Variants in TINAGL1 observed in about 807,000 individuals in gnomAD.
TINAGL1 encodes the protein tubulointerstitial nephritis antigen-like.
A neutral mutation model predicts 62.0 loss-of-function variants in TINAGL1; 34 were observed. That is an observed-to-expected ratio of 0.55 (90% CI 0.42 to 0.73). The LOEUF (loss-of-function observed/expected upper bound fraction) is 0.73, where lower values mean the gene tolerates loss of function less well. Ranked by LOEUF, TINAGL1 falls within the 30% of genes least tolerant of loss-of-function variation. The pLI, the probability that TINAGL1 is intolerant of heterozygous loss-of-function variation, is 0.00. For missense variants in TINAGL1, 516 were observed against 653.2 expected (o/e 0.79, Z 2.29); for synonymous variants, 221 against 249.7 (o/e 0.88, Z 1.08).
At position 31,580,193 on chromosome 1, in the gene TINAGL1, C is replaced by CTG. The variant is rs1557557791; in HGVS notation, c.374+927_374+928insGT. The CTG allele has an allele frequency of 6.0e-4, 254 of 423,268 alleles. 1 individual carries two copies. Among genetic ancestry groups the CTG allele is most frequent in the East Asian group, 2.2e-3 (11 of 5,098 alleles). 26.2% of individuals were successfully genotyped at this position (423,268 alleles called of 1,614,324 possible). On this transcript the variant is annotated intron_variant, in intron 3 of 11. Transcript: ENST00000271064. ...TCTCTCTCTCTCTCTCTCTCTCTCTCTCTCTCTCTCTCTCTCTCTGTCTCT... is the reference window on the plus strand; with the variant it reads ...TCTCTCTCTCTCTCTCTCTCTCTCTCTGTCTCTCTCTCTCTCTCTCTGTCTCT...
In TINAGL1 at chr1:31,577,084, A is replaced by G. The variant is rs937693420; in HGVS notation, c.-15-50A>G. ...ACAGCTCCAGGAAACTGGGAGACTC[A>G]TCCCTGGTGTTCCAGGGAGTCTCTG... On this transcript the variant is annotated intron_variant, in intron 1 of 11. Transcript: ENST00000271064. The surrounding 1 kb of genome is among the most constrained non-coding windows in gnomAD (Gnocchi z 5.4). 225 of 1,379,166 alleles carry G rather than the reference A, an allele frequency of 1.6e-4. No homozygotes were observed. Among genetic ancestry groups the G allele is most frequent in the Non-Finnish European group, 2.1e-4 (216 of 1,048,962 alleles). The allele number at this position is 1,379,166 out of a possible 1,614,324, so 85.4% of individuals were successfully genotyped here. A position where few individuals can be genotyped will look rare whatever the true frequency, so the allele number is the denominator to read the frequency against.
rs148120255 is a variant in TINAGL1, at chr1:31,577,426, T to A, written c.278T>A (p.Leu93His). The change falls in exon 2 of 12, where the codon CTC becomes CAC. Residue 93 changes from leucine (L) to histidine (H), a missense_variant. Leu to His is a moderately conservative substitution (Grantham distance 99). Coordinates refer to ENST00000271064, the MANE Select transcript of TINAGL1 (RefSeq NM_022164.3). The surrounding 1 kb of genome is among the most constrained non-coding windows in gnomAD (Gnocchi z 5.4). ...DCCPDFWDFC[L>H]GVPPPFPPIQ... ...TGCCCTGACTTCTGGGACTTCTGCC[T>A]CGGCGTGCCACCCCCTTTTCCCCCG... is the stretch of plus-strand genomic sequence containing the variant. The A allele has an allele frequency of 1.2e-6, 2 of 1,613,130 alleles. No homozygotes were observed. Among genetic ancestry groups the A allele is most frequent in the African/African-American group, 2.7e-5 (2 of 74,918 alleles).
At chr1:31,578,849 C>T (rs1639103182) in intron 2 of TINAGL1, among the ~76,000 whole-genome samples, 1 of 113,192 alleles carries the variant, frequency 8.8e-6, no homozygotes, top group Admixed American at 1.0e-4. Flanking sequence ...GTGATGTCTT[C>T]AGTTATAGCT....
At chr1:31,586,020 G>A (rs1639382347) in intron 10 of TINAGL1, 144 bp downstream of exon 10, 1 of 1,194,316 alleles carries the variant, frequency 8.4e-7, no homozygotes, top group Non-Finnish European at 1.1e-6. Context: ...GACTCAGAAA[G>A]AGAAAGGACT....
chr1:31,586,867 G>A lies in TINAGL1; in HGVS notation c.1292G>A (p.Trp431Ter). ...GCGGCCAACTCCTGGGGCCCAGCCT[G>A]GGGCGAGAGGGGCCACTTCCGCATC... ...WTAANSWGPA[W>*]GERGHFRIVR... is the part of the protein sequence containing the mutation. The change falls in exon 12 of 12, where the codon TGG becomes TAG. Residue 431 changes from tryptophan (W) to a stop codon, truncating the protein, a stop_gained. Coordinates refer to ENST00000271064, the MANE Select transcript of TINAGL1 (RefSeq NM_022164.3). LOFTEE classifies it high-confidence loss of function. 1 of 1,550,106 alleles carries A rather than the reference G, an allele frequency of 6.5e-7. No homozygotes were observed. Among genetic ancestry groups the A allele is most frequent in the Non-Finnish European group, 8.7e-7 (1 of 1,146,750 alleles).
At position 31,584,440 on chromosome 1, in the gene TINAGL1, G is replaced by A; in HGVS notation, c.583-238G>A. ...CTCAGCTGCCTCATCTGGGAAGCAG[G>A]ACTAGTCACCACCGCCACCCCGCCC... On this transcript the variant is annotated intron_variant, in intron 5 of 11. Coordinates refer to ENST00000271064, the MANE Select transcript of TINAGL1 (RefSeq NM_022164.3). The surrounding 1 kb of genome is among the most constrained non-coding windows in gnomAD (Gnocchi z 4.0). 1 of 555,676 alleles carries A rather than the reference G, an allele frequency of 1.8e-6. No individual in the cohort carries two copies. The highest frequency in any genetic ancestry group is 3.3e-5 in the East Asian group (1 of 30,288). 34.4% of individuals were successfully genotyped at this position (555,676 alleles called of 1,614,324 possible).
chr1:31,582,744 G>A (rs148782054), intron 3 of TINAGL1, among the ~76,000 whole-genome samples: 33 of 152,166 alleles, frequency 2.2e-4, no homozygotes, highest in African/African-American at 7.7e-4. Context: ...TAGGATATGC[G>A]GATGAACTGG....
chr1:31,585,612 C>G lies in TINAGL1; in HGVS notation c.1093+127C>G. 2.0e-6 allele frequency: 3 copies of G among 1,533,172 alleles called. No homozygotes were observed. Among genetic ancestry groups the G allele is most frequent in the Non-Finnish European group, 2.6e-6 (3 of 1,135,218 alleles). 95.0% of individuals were successfully genotyped at this position (1,533,172 alleles called of 1,614,324 possible). On this transcript the variant is annotated intron_variant, in intron 9 of 11. Transcript: ENST00000271064. The surrounding 1 kb of genome is among the most constrained non-coding windows in gnomAD (Gnocchi z 4.3). The stretch of plus-strand genomic sequence containing the variant: ...GTAGGGCCAGGAGTAGGGGTCCCCC[C>G]CTCCCACAGGCAGCACCTGGAGGGA...
Position 31,587,153 on chromosome 1 carries a change from G to C in TINAGL1, c.*174G>C, listed in dbSNP as rs543436980. ...ACGCAGCGCCCCGCCTGGGAGCCGC[G>C]GGCAGGCGAGACTGGCGGAGCCCCC... On this transcript the variant is annotated 3_prime_UTR_variant, in exon 12 of 12. Transcript: ENST00000271064. 7.3e-5 allele frequency: 76 copies of C among 1,039,234 alleles called. No homozygotes were observed. In the South Asian group the frequency reaches 2.3e-3, roughly 32 times the overall value. The allele number at this position is 1,039,234 out of a possible 1,614,324, so 64.4% of individuals were successfully genotyped here. A position where few individuals can be genotyped will look rare whatever the true frequency, so the allele number is the denominator to read the frequency against.
chr1:31,582,447 G>C (rs990252974), intron 3 of TINAGL1, among the ~76,000 whole-genome samples: 12 of 152,218 alleles, frequency 7.9e-5, no homozygotes, highest in Admixed American at 2.0e-4. Context: ...CAGGAGGACA[G>C]AGCGTGCAGG....
At chr1:31,586,019 A>ATTCT in intron 10 of TINAGL1, 143 bp downstream of exon 10, 1 of 1,206,632 alleles carries the variant, frequency 8.3e-7, no homozygotes, top group South Asian at 2.1e-5. Flanking sequence ...AGACTCAGAA[A>ATTCT]GAGAAAGGAC....
Position 31,585,954 on chromosome 1 carries a change from A to G in TINAGL1, c.1217+78A>G. Reference sequence around the variant, plus strand: ...GCTCTGGAGCCTGCCTTGGGTTCTTACAACCTCTCTAAAAAGCCAGGACTG... The same window carrying G: ...GCTCTGGAGCCTGCCTTGGGTTCTTGCAACCTCTCTAAAAAGCCAGGACTG... On this transcript the variant is annotated intron_variant, in intron 10 of 11. Transcript: ENST00000271064. The surrounding 1 kb of genome is among the most constrained non-coding windows in gnomAD (Gnocchi z 4.3). 2.0e-6 allele frequency: 3 copies of G among 1,466,030 alleles called. No homozygotes were observed. The highest frequency in any genetic ancestry group is 2.7e-6 in the Non-Finnish European group (3 of 1,104,894). 90.8% of individuals were successfully genotyped at this position (1,466,030 alleles called of 1,614,324 possible). A position where few individuals can be genotyped will look rare whatever the true frequency, so the allele number is the denominator to read the frequency against.
At chr1:31,581,830 TCA>T (rs1639252486) in intron 3 of TINAGL1, among the ~76,000 whole-genome samples, 1 of 152,322 alleles carries the variant, frequency 6.6e-6, no homozygotes, top group African/African-American at 2.4e-5. Flanking sequence ...TCTCCTAAGA[TCA>T]CACAGCCAGT....
At chr1:31,580,159 T>TGC (rs1386386381) in intron 3 of TINAGL1, 51 of 796,204 alleles carry the variant, frequency 6.4e-5, no homozygotes, top group African/African-American at 2.2e-4. Flanking sequence ...GAGGGGTTAA[T>TGC]GCGCTCTCTC....
chr1:31,578,254 G>T, intron 2 of TINAGL1: 1 of 586,650 alleles, frequency 1.7e-6, no homozygotes, highest in South Asian at 6.8e-5. Flanking sequence ...GTGTGTGTGT[G>T]TGTGTGTGTG....
intron 10 of TINAGL1, 130 bp downstream of exon 10, chr1:31,586,006 CTG>C (rs1229706309): frequency 2.4e-6 from 3 of 1,268,224 alleles, no homozygotes; most frequent in Non-Finnish European, 3.1e-6. Flanking sequence ...AGGGAGAAAA[CTG>C]AGACTCAGAA....
rs1415430334 is a variant in TINAGL1, at chr1:31,585,253, G to A, written c.960G>A (p.Lys320=). ...MMHSRAMGRG[K]RQATAHCPNS... is the part of the protein sequence containing the mutation. ...ACAGCCGAGCCATGGGTCGGGGCAA[G>A]CGCCAGGCCACTGCCCACTGCCCCA... is the stretch of plus-strand genomic sequence containing the variant. Residue 320 remains lysine (K), a synonymous_variant, in exon 8 of 12, where the codon AAG becomes AAA. Transcript: ENST00000271064. This position sits in a 1 kb window ranked among gnomAD's most constrained non-coding sequence, Gnocchi z 4.3. The A allele has an allele frequency of 5.6e-6, 9 of 1,613,662 alleles. No homozygotes were observed. The highest frequency in any genetic ancestry group is 5.9e-6 in the Non-Finnish European group (7 of 1,179,792).
In TINAGL1 at chr1:31,586,856, G is replaced by C; in HGVS notation, c.1281G>C (p.Trp427Cys). 6.5e-7 allele frequency: 1 copy of C among 1,549,800 alleles called. No homozygotes were observed. The highest frequency in any genetic ancestry group is 8.7e-7 in the Non-Finnish European group (1 of 1,145,516). ...ATTCCCAGACTGCGGCCAACTCCTG[G>C]GGCCCAGCCTGGGGCGAGAGGGGCC... ...TLKYWTAANSWGPAWGERGHF... is the reference protein window; with the variant it reads ...TLKYWTAANSCGPAWGERGHF... Residue 427 changes from tryptophan (W) to cysteine (C), a missense_variant, in exon 12 of 12, where the codon TGG becomes TGC. Trp to Cys is a radical substitution (Grantham distance 215, BLOSUM62 -2). Coordinates refer to ENST00000271064, the MANE Select transcript of TINAGL1 (RefSeq NM_022164.3).
In TINAGL1 at chr1:31,586,015, A is replaced by G; in HGVS notation, c.1217+139A>G. ...TTCAATAGGGAGAAAACTGAGACTC[A>G]GAAAGAGAAAGGACTTGCCCTGGGT... On this transcript the variant is annotated intron_variant, in intron 10 of 11. Transcript: ENST00000271064. 6.6e-6 allele frequency: 8 copies of G among 1,214,802 alleles called. No homozygotes were observed. In the South Asian group the frequency reaches 1.6e-4, roughly 25 times the overall value. The allele number at this position is 1,214,802 out of a possible 1,614,324, so 75.3% of individuals were successfully genotyped here. A position where few individuals can be genotyped will look rare whatever the true frequency, so the allele number is the denominator to read the frequency against.
Sources: allele counts gnomAD v4.1 joint callset (sites outside exome capture counted in the v4.1 genomes callset), GRCh38; gene constraint gnomAD v4.1.1; non-coding constraint Gnocchi (gnomAD v3.1); transcripts MANE v1.5; gene names NCBI Gene and HGNC (gene_info 2026-07-23, HGNC 2026-07-21).